KCNAB1: variants seen among roughly 807,000 people sequenced by gnomAD.
The protein encoded by KCNAB1 is voltage-gated potassium channel subunit beta-1.
In KCNAB1, 35 loss-of-function variants were observed where a neutral mutation model predicts 64.6. The ratio of observed to expected loss-of-function variants is 0.54; its 90% confidence interval spans 0.41 to 0.72. The LOEUF is 0.72. Among genes scored for constraint, KCNAB1 ranks in the 30% least tolerant of loss-of-function variants. The pLI is 0.00. For synonymous variants in KCNAB1, 177 were observed against 183.8 expected, an observed-to-expected ratio of 0.96 and a Z score of 0.30; for missense variants, 401 against 512.9, an observed-to-expected ratio of 0.78 and a Z score of 2.11.
chr3:156,338,303 C>CTTTTTTTTTTTTCTTTTTTTTTTT (rs1723861785), intron 1 of KCNAB1, among the ~76,000 whole-genome samples: 1 of 39,488 alleles, frequency 2.5e-5, no homozygotes, highest in Non-Finnish European at 4.8e-5. Flanking sequence ...GGCATTTGCA[C>CTTTTTTTTTTTTCTTTTTTTTTTT]TTTTTTTTTT....
At position 156,429,866 on chromosome 3, in the gene KCNAB1, C is replaced by T. The variant is rs913043311; in HGVS notation, c.319+8207C>T. On this transcript the variant is annotated intron_variant, in intron 2 of 13. Transcript: ENST00000490337. ...GCATAACACAAACAGAGTGAACTAT[C>T]GTAACTCCGAAATACCCATAGAGTT... 5.9e-5 allele frequency among the ~76,000 whole-genome samples: 9 copies of T among 152,244 alleles called. 1 individual carries two copies. The highest frequency in any genetic ancestry group is 6.8e-3 in the Middle Eastern group (2 of 294).
At chr3:156,461,803 T>C (rs1011185011) in intron 5 of KCNAB1, among the ~76,000 whole-genome samples, 9 of 152,216 alleles carry the variant, frequency 5.9e-5, no homozygotes, top group African/African-American at 2.2e-4. Flanking sequence ...CAAACTGCCT[T>C]TCATTCTTGC....
intron 1 of KCNAB1, among the ~76,000 whole-genome samples, chr3:156,342,619 TTTTTA>T (rs1184504654): frequency 6.7e-6 from 1 of 148,506 alleles, no homozygotes; most frequent in African/African-American, 2.5e-5. Flanking sequence ...ATTTTTTTTT[TTTTTA>T]TTATACTCTA....
chr3:156,206,449 C>A (rs1038352169), intron 1 of KCNAB1, among the ~76,000 whole-genome samples: 1 of 152,154 alleles, frequency 6.6e-6, no homozygotes, highest in African/African-American at 2.4e-5. Flanking sequence ...ACAAGGAGAA[C>A]CTTCCTGAGG....
At chr3:156,491,281 C>A (rs1559913050) in intron 8 of KCNAB1, among the ~76,000 whole-genome samples, 1 of 152,028 alleles carries the variant, frequency 6.6e-6, no homozygotes, top group East Asian at 1.9e-4. Context: ...GCAGCAGGCA[C>A]AGAAAGTGAC....
chr3:156,310,523 G>A (rs1332153859), intron 1 of KCNAB1, among the ~76,000 whole-genome samples: 1 of 152,176 alleles, frequency 6.6e-6, no homozygotes, highest in Non-Finnish European at 1.5e-5. Flanking sequence ...CAGCTTACCT[G>A]CTGGGCATGG....
At chr3:156,535,617 C>T (rs1576989178) in intron 13 of KCNAB1, among the ~76,000 whole-genome samples, 1 of 152,174 alleles carries the variant, frequency 6.6e-6, no homozygotes, top group Non-Finnish European at 1.5e-5. Flanking sequence ...TCTCTCCCAA[C>T]TTCTTATTCC....
intron 4 of KCNAB1, among the ~76,000 whole-genome samples, 158 bp from the exon 5 acceptor site, chr3:156,459,669 C>A (rs1157677084): frequency 2.6e-5 from 4 of 151,932 alleles, no homozygotes; most frequent in African/African-American, 9.7e-5. Context: ...CAGGCACAAG[C>A]AGAAACAGCG....
chr3:156,176,405 G>A (rs1467656114), intron 1 of KCNAB1: 1 of 784,180 alleles, frequency 1.3e-6, no homozygotes, highest in South Asian at 1.3e-5. Flanking sequence ...CTGTGCCATC[G>A]TCACTGCTAG....
At chr3:156,521,764 T>A (rs1405307969) in intron 11 of KCNAB1, among the ~76,000 whole-genome samples, 2 of 152,138 alleles carry the variant, frequency 1.3e-5, no homozygotes, top group Non-Finnish European at 2.9e-5. Flanking sequence ...ATTTTCTCAT[T>A]TGTAAAGCAG....
intron 1 of KCNAB1, among the ~76,000 whole-genome samples, chr3:156,198,684 CTA>C (rs1481744865): frequency 7.0e-6 from 1 of 143,602 alleles, no homozygotes; most frequent in Non-Finnish European, 1.5e-5. Flanking sequence ...TATTTTGAGC[CTA>C]TGTGTGTCTT....
At chr3:156,143,535 A>C (rs954399641) in intron 1 of KCNAB1, 29 of 654,818 alleles carry the variant, frequency 4.4e-5, no homozygotes, top group Non-Finnish European at 6.3e-5. Context: ...AAGAAGGAAA[A>C]ATGCAGTGAG....
chr3:156,119,186 G>T (rs1289144365), upstream of KCNAB1, among the ~76,000 whole-genome samples: 1 of 152,174 alleles, frequency 6.6e-6, no homozygotes, highest in East Asian at 1.9e-4. Flanking sequence ...AAGACCTTTG[G>T]CAGGTCTTTG....
intron 1 of KCNAB1, among the ~76,000 whole-genome samples, chr3:156,286,814 A>G (rs572582848): frequency 3.8e-4 from 58 of 152,328 alleles, no homozygotes; most frequent in African/African-American, 1.4e-3. Context: ...AGTGGGGATC[A>G]CTATGCACAG....
At chr3:156,205,452 T>C (rs372027094) in intron 1 of KCNAB1, among the ~76,000 whole-genome samples, 2 of 152,328 alleles carry the variant, frequency 1.3e-5, no homozygotes, top group South Asian at 2.1e-4. Context: ...ATGGCGTTAA[T>C]AAATATAAAA....
chr3:156,382,807 G>T lies in KCNAB1; in HGVS notation c.276-38809G>T, dbSNP rs560710897. ...AGCAACCACTTTGGGATCTCCAAGT[G>T]ACCACCATAAGCAGAGCACCCTGCC... On this transcript the variant is annotated intron_variant, in intron 1 of 13. Transcript: ENST00000490337. Among the ~76,000 whole-genome samples, 29 of 152,314 alleles carry T rather than the reference G, an allele frequency of 1.9e-4. 1 individual carries two copies. Among genetic ancestry groups the T allele is most frequent in the Non-Finnish European group, 3.8e-4 (26 of 68,030 alleles).
At chr3:156,511,165 G>T (rs1408009844) in intron 8 of KCNAB1, among the ~76,000 whole-genome samples, 5 of 151,942 alleles carry the variant, frequency 3.3e-5, no homozygotes, top group Non-Finnish European at 7.4e-5. Flanking sequence ...GTGCAGTGGC[G>T]TGATCTCGGC....
chr3:156,387,014 C>CTCTTTTTTTTTTTTTTTTTTTTTTT (rs60888308), intron 1 of KCNAB1, among the ~76,000 whole-genome samples: 14 of 90,516 alleles, frequency 1.5e-4, no homozygotes, highest in African/African-American at 2.2e-4. Context: ...TTCTCTCTCT[C>CTCTTTTTTTTTTTTTTTTTTTTTTT]TTTTTTTTTT....
chr3:156,485,672 C>T (rs930914830), intron 8 of KCNAB1, among the ~76,000 whole-genome samples: 1 of 151,922 alleles, frequency 6.6e-6, no homozygotes, highest in African/African-American at 2.4e-5. Context: ...GAGCTTTGGG[C>T]TTCTAGTGAA....
Sources: gnomAD v4.1 joint callset for allele counts (sites outside exome capture counted in the v4.1 genomes callset) on GRCh38, gnomAD v4.1.1 for gene constraint, MANE v1.5 for transcripts, NCBI Gene and HGNC (gene_info 2026-07-23, HGNC 2026-07-21) for gene names.